Variants in MAP3K5 observed in about 807,000 individuals in gnomAD.
MAP3K5 encodes the protein ASK-1.
In MAP3K5, 56 loss-of-function variants were observed where a neutral mutation model predicts 158.7. The ratio of observed to expected loss-of-function variants is 0.35; its 90% CI spans 0.28 to 0.44. The LOEUF (loss-of-function observed/expected upper bound fraction) is 0.44, where lower values mean the gene tolerates loss of function less well. Ranked by LOEUF, MAP3K5 falls within the 20% of genes least tolerant of loss-of-function variation. The probability of loss-of-function intolerance (pLI) is 1.00; values close to 1 mark genes in which losing one functional copy is unlikely to be tolerated. For missense variants in MAP3K5, 1,294 were observed against 1,674.8 expected, an observed-to-expected ratio of 0.77 and a Z score of 3.97; for synonymous variants, 579 against 601.7, an observed-to-expected ratio of 0.96 and a Z score of 0.55.
intron 1 of MAP3K5, among the ~76,000 whole-genome samples, chr6:136,738,141 A>AT (rs1782553353): frequency 6.6e-6 from 1 of 152,172 alleles, no homozygotes; most frequent in African/African-American, 2.4e-5. Context: ...TTGCACAATC[A>AT]TTTTTTGGGA....
Position 136,595,306 on chromosome 6 carries a change from T to C in MAP3K5, c.2879-2692A>G, listed in dbSNP as rs909534788. The stretch of plus-strand genomic sequence containing the variant: ...CTAATTTTTGTATAGGGTTTCGCCA[T>C]GTCGGCCAGGCTGGTCTCAAACTCC... On this transcript the variant is annotated intron_variant, in intron 21 of 29. Transcript: ENST00000359015. Among the ~76,000 whole-genome samples the C allele has an allele frequency of 5.9e-5, 9 of 152,286 alleles. No homozygotes were observed. The East Asian group carries it at 1.2e-3, about 20-fold the overall frequency.
intron 1 of MAP3K5, among the ~76,000 whole-genome samples, chr6:136,743,525 GAC>G (rs1413665725): frequency 2.0e-5 from 3 of 152,140 alleles, no homozygotes; most frequent in Non-Finnish European, 4.4e-5. Flanking sequence ...CCAAAACACT[GAC>G]GCCATCAAAG....
At chr6:136,581,976 G>T (rs751146105) in intron 24 of MAP3K5, among the ~76,000 whole-genome samples, 2 of 151,990 alleles carry the variant, frequency 1.3e-5, no homozygotes, top group African/African-American at 2.4e-5. Context: ...CCAGCTACTC[G>T]GGAGGCTGAG....
At chr6:136,565,138 T>C (rs1774041860) in intron 26 of MAP3K5, among the ~76,000 whole-genome samples, 1 of 152,264 alleles carries the variant, frequency 6.6e-6, no homozygotes, top group Non-Finnish European at 1.5e-5. Context: ...ACTTCAACAC[T>C]GGAAGCAGAG....
intron 15 of MAP3K5, among the ~76,000 whole-genome samples, chr6:136,614,950 C>T (rs1776500768): frequency 1.3e-5 from 2 of 152,114 alleles, no homozygotes; most frequent in South Asian, 4.1e-4. Context: ...TTTACCTAAT[C>T]CTCATGAAGC....
chr6:136,574,017 G>A (rs1442419998), intron 25 of MAP3K5, among the ~76,000 whole-genome samples: 1 of 150,556 alleles, frequency 6.6e-6, no homozygotes, highest in Non-Finnish European at 1.5e-5. Context: ...TGCAACCTCC[G>A]CCTCCCAGGT....
intron 1 of MAP3K5, among the ~76,000 whole-genome samples, chr6:136,764,056 C>T (rs1369480633): frequency 6.6e-6 from 1 of 152,156 alleles, no homozygotes; most frequent in East Asian, 1.9e-4. Flanking sequence ...TTCAGAAATC[C>T]TGTTTAAGCA....
At chr6:136,620,700 C>T (rs1776759746) in intron 15 of MAP3K5, among the ~76,000 whole-genome samples, 3 of 152,238 alleles carry the variant, frequency 2.0e-5, no homozygotes, top group African/African-American at 7.2e-5. Context: ...AATCTTCTCT[C>T]TTTCAGACTT....
At chr6:136,645,752 G>T (rs1778222732) in intron 11 of MAP3K5, among the ~76,000 whole-genome samples, 1 of 152,158 alleles carries the variant, frequency 6.6e-6, no homozygotes, top group African/African-American at 2.4e-5. Flanking sequence ...GGTATATAAT[G>T]TGCTTCAAGT....
intron 21 of MAP3K5, among the ~76,000 whole-genome samples, chr6:136,595,540 CTGGAG>C (rs1338339775): frequency 6.6e-6 from 1 of 152,138 alleles, no homozygotes. Context: ...TGCTGATGGA[CTGGAG>C]TGAAGAGTGT....
At chr6:136,732,750 CA>C (rs1203825246) in intron 1 of MAP3K5, among the ~76,000 whole-genome samples, 3 of 152,286 alleles carry the variant, frequency 2.0e-5, no homozygotes, top group South Asian at 4.1e-4. Flanking sequence ...ACAACGCTTA[CA>C]ACTACAGCAA....
Position 136,669,291 on chromosome 6 carries a change from C to T in MAP3K5, c.1358G>A (p.Arg453Gln), listed in dbSNP as rs1172945444. 3 of 1,610,566 alleles carry T rather than the reference C, an allele frequency of 1.9e-6. No homozygotes were observed. The highest frequency in any genetic ancestry group is 1.7e-6 in the Non-Finnish European group (2 of 1,177,376). The change falls in exon 8 of 30, where the codon CGG becomes CAG. Residue 453 changes from arginine to glutamine, a missense_variant. Transcript: ENST00000359015. ...GHQFESSFEL[R>Q]KVGVKLSSLL... ...TATCAAGTTGTAATTACCAACTTTC[C>T]GGAGCTCAAAGGAAGATTCAAACTG...
chr6:136,731,388 T>C (rs975780604), intron 1 of MAP3K5, among the ~76,000 whole-genome samples: 4 of 152,204 alleles, frequency 2.6e-5, no homozygotes, highest in Non-Finnish European at 5.9e-5. Flanking sequence ...AATCAAGGTG[T>C]AGGCAGTGCT....
chr6:136,723,028 T>C (rs1781811735), intron 1 of MAP3K5, among the ~76,000 whole-genome samples: 2 of 152,066 alleles, frequency 1.3e-5, no homozygotes, highest in Admixed American at 1.3e-4. Context: ...CTAAAAATTA[T>C]GTACACTCTG....
At chr6:136,669,465 T>C in intron 7 of MAP3K5, 70 bp from the exon 8 acceptor site, 1 of 857,630 alleles carries the variant, frequency 1.2e-6, no homozygotes, top group Non-Finnish European at 2.0e-6. Context: ...ATAGCTTCTG[T>C]TTGTATAACT....
At chr6:136,612,823 C>G (rs1387650349) in intron 17 of MAP3K5, among the ~76,000 whole-genome samples, 1 of 152,146 alleles carries the variant, frequency 6.6e-6, no homozygotes, top group African/African-American at 2.4e-5. Context: ...GGGCCATCTC[C>G]TGTTTAACTT....
At chr6:136,779,930 CG>C (rs1034509730) in intron 1 of MAP3K5, among the ~76,000 whole-genome samples, 3 of 152,224 alleles carry the variant, frequency 2.0e-5, no homozygotes, top group African/African-American at 7.2e-5. Flanking sequence ...TCAGGGCAAA[CG>C]GCTTCAGATG....
rs542125254 is a variant in MAP3K5, at chr6:136,727,855, G to A, written c.449-7266C>T. On this transcript the variant is annotated intron_variant, in intron 1 of 29. Coordinates refer to ENST00000359015, the MANE Select transcript of MAP3K5 (RefSeq NM_005923.4). The stretch of plus-strand genomic sequence containing the variant: ...CAGGTGCCTGTAGTCCCAGCTACTC[G>A]GGAGGCTGAGGCAGGAGAATGGGGT... Among the ~76,000 whole-genome samples the A allele has an allele frequency of 6.6e-5, 10 of 152,166 alleles. No homozygotes were observed. In the South Asian group the frequency reaches 1.7e-3, roughly 25 times the overall value.
chr6:136,778,937 G>T (rs150843523), intron 1 of MAP3K5, among the ~76,000 whole-genome samples: 6 of 152,104 alleles, frequency 3.9e-5, no homozygotes, highest in Non-Finnish European at 7.3e-5. Flanking sequence ...GGACAGATGC[G>T]GGAGGATCAC....
Sources: allele counts gnomAD v4.1 joint callset (sites outside exome capture counted in the v4.1 genomes callset), GRCh38; gene constraint gnomAD v4.1.1; transcripts MANE v1.5; gene names NCBI Gene and HGNC (gene_info 2026-07-23, HGNC 2026-07-21).